The following SLC30A8 variants were observed in gnomAD, a reference collection of about 807,000 sequenced individuals.
The protein encoded by SLC30A8 is solute carrier family 30 member 8.
SLC30A8 carries 27 observed loss-of-function variants against 36.9 expected under a neutral mutation model. That is an observed-to-expected ratio of 0.73 (90% confidence interval 0.54 to 1.01). The LOEUF is 1.01. Among genes scored for constraint, SLC30A8 ranks in the 50% least tolerant of loss-of-function variants. The pLI, the probability that SLC30A8 is intolerant of heterozygous loss-of-function variation, is 0.00. For missense variants in SLC30A8, 439 were observed against 452.0 expected (o/e 0.97, Z 0.26); for synonymous variants, 164 against 172.4 (o/e 0.95, Z 0.38).
intron 6 of SLC30A8, among the ~76,000 whole-genome samples, chr8:117,169,866 C>T (rs1823282684): frequency 1.3e-5 from 2 of 152,100 alleles, no homozygotes; most frequent in African/African-American, 2.4e-5. Flanking sequence ...AAACACCTCC[C>T]ACCAGGCCCC....
At chr8:117,069,004 C>A (rs1818250240) in intron 2 of SLC30A8, among the ~76,000 whole-genome samples, 1 of 152,170 alleles carries the variant, frequency 6.6e-6, no homozygotes, top group African/African-American at 2.4e-5. Context: ...CAAAATGTAT[C>A]TTGAATTTCG....
At chr8:117,022,931 G>T (rs1461770855) in intron 1 of SLC30A8, among the ~76,000 whole-genome samples, 2 of 152,130 alleles carry the variant, frequency 1.3e-5, no homozygotes, top group South Asian at 4.1e-4. Flanking sequence ...ACCATCAGAT[G>T]AATAGGCAAC....
At chr8:117,168,149 A>AGTGAGATTTGG (rs138578830) in intron 6 of SLC30A8, among the ~76,000 whole-genome samples, 1 of 152,076 alleles carries the variant, frequency 6.6e-6, no homozygotes, top group African/African-American at 2.4e-5. Context: ...TACAATTAAA[A>AGTGAGATTTGG]GTGAGATTTG....
chr8:116,966,842 A>G (rs1362839376), intron 1 of SLC30A8, among the ~76,000 whole-genome samples: 10 of 152,214 alleles, frequency 6.6e-5, no homozygotes, highest in Non-Finnish European at 1.5e-5. Flanking sequence ...CATGATGGCA[A>G]TGGAATTGAA....
At chr8:116,995,409 A>C (rs1815780979) in intron 1 of SLC30A8, among the ~76,000 whole-genome samples, 1 of 152,096 alleles carries the variant, frequency 6.6e-6, no homozygotes, top group African/African-American at 2.4e-5. Context: ...CACCTCACAG[A>C]TGAAAAAACT....
At chr8:116,991,837 G>C (rs1032372971) in intron 1 of SLC30A8, among the ~76,000 whole-genome samples, 3 of 152,040 alleles carry the variant, frequency 2.0e-5, no homozygotes, top group African/African-American at 7.2e-5. Context: ...TGTAGCCTAA[G>C]GAATCATGCA....
At chr8:117,010,934 T>G (rs1224627318) in intron 1 of SLC30A8, among the ~76,000 whole-genome samples, 1 of 152,142 alleles carries the variant, frequency 6.6e-6, no homozygotes, top group East Asian at 1.9e-4. Context: ...GCCCCCGTGA[T>G]CCAATCACCT....
rs747035274 is a variant in SLC30A8, at chr8:117,175,350, A to G, written c.*2669A>G. 2 of 152,076 alleles carry G rather than the reference A, an allele frequency of 1.3e-5. No homozygotes were observed. The highest frequency in any genetic ancestry group is 2.9e-5 in the Non-Finnish European group (2 of 68,002). 9.4% of individuals were successfully genotyped at this position (152,076 alleles called of 1,614,324 possible). A position where few individuals can be genotyped will look rare whatever the true frequency, so the allele number is the denominator to read the frequency against. On this transcript the variant is annotated 3_prime_UTR_variant, in exon 8 of 8. Transcript: ENST00000456015. ...CACCATCATCCAGCACCTACTTAAG[A>G]TTTATCTAGGGCTCTGTGGTGATGT...
At chr8:116,954,420 T>C (rs1445860013) in intron 1 of SLC30A8, among the ~76,000 whole-genome samples, 1 of 152,186 alleles carries the variant, frequency 6.6e-6, no homozygotes, top group Non-Finnish European at 1.5e-5. Context: ...CAACATCTGA[T>C]GGCTGGGCAG....
intron 1 of SLC30A8, among the ~76,000 whole-genome samples, chr8:116,974,067 A>C (rs918999858): frequency 6.6e-6 from 1 of 152,206 alleles, no homozygotes. Context: ...TAAATGTTAG[A>C]CCTAAAACCA....
intron 2 of SLC30A8, among the ~76,000 whole-genome samples, chr8:117,089,018 A>G (rs984345992): frequency 1.3e-5 from 2 of 152,208 alleles, no homozygotes; most frequent in African/African-American, 4.8e-5. Flanking sequence ...TCCTCACTGC[A>G]TATTTCACCG....
chr8:117,036,837 G>A (rs921764732), intron 1 of SLC30A8, among the ~76,000 whole-genome samples: 1 of 152,184 alleles, frequency 6.6e-6, no homozygotes, highest in African/African-American at 2.4e-5. Context: ...TGGCCCAGTA[G>A]CATGCCCAAG....
intron 2 of SLC30A8, among the ~76,000 whole-genome samples, chr8:117,045,245 A>G (rs886148312): frequency 6.6e-6 from 1 of 152,180 alleles, no homozygotes; most frequent in Non-Finnish European, 1.5e-5. Flanking sequence ...ACCTTTTACA[A>G]TCTGGATGGA....
chr8:117,162,350 T>C (rs1678885675), intron 5 of SLC30A8, among the ~76,000 whole-genome samples: 1 of 152,172 alleles, frequency 6.6e-6, no homozygotes, highest in Non-Finnish European at 1.5e-5. Context: ...GGTTGTGTCT[T>C]GTATCTGCTG....
intron 1 of SLC30A8, among the ~76,000 whole-genome samples, chr8:117,032,115 G>T (rs955934044): frequency 1.3e-5 from 2 of 151,496 alleles, no homozygotes; most frequent in Non-Finnish European, 2.9e-5. Flanking sequence ...ACATTCCTAC[G>T]CATGCTTTGT....
intron 2 of SLC30A8, among the ~76,000 whole-genome samples, chr8:117,075,698 G>A (rs546184842): frequency 1.3e-3 from 199 of 152,106 alleles, no homozygotes; most frequent in African/African-American, 4.5e-3. Flanking sequence ...TCTCTAATCC[G>A]TTCTTCATAT....
At chr8:116,991,052 G>A (rs983069830) in intron 1 of SLC30A8, among the ~76,000 whole-genome samples, 1 of 152,078 alleles carries the variant, frequency 6.6e-6, no homozygotes, top group South Asian at 2.1e-4. Context: ...TGTGGGATGA[G>A]TCTTATTGGT....
chr8:117,170,950 T>C, intron 6 of SLC30A8, 84 bp from the exon 7 acceptor site: 2 of 1,230,240 alleles, frequency 1.6e-6, no homozygotes, highest in South Asian at 1.6e-5. Flanking sequence ...GAAATTTTGG[T>C]GAGGACTTTG....
intron 2 of SLC30A8, among the ~76,000 whole-genome samples, chr8:117,082,197 A>C (rs1043639799): frequency 4.6e-5 from 7 of 152,220 alleles, no homozygotes; most frequent in African/African-American, 1.7e-4. Flanking sequence ...TGAGTGTCCA[A>C]GGACTAATAC....
Sources: allele counts gnomAD v4.1 joint callset (sites outside exome capture counted in the v4.1 genomes callset), GRCh38; gene constraint gnomAD v4.1.1; transcripts MANE v1.5; gene names NCBI Gene and HGNC (gene_info 2026-07-23, HGNC 2026-07-21).